The following HMCN1 variants were observed in gnomAD, a reference collection of about 807,000 sequenced individuals.
The protein encoded by HMCN1 is hemicentin-1.
A neutral mutation model predicts 625.9 loss-of-function variants in HMCN1; 321 were observed. The ratio of observed to expected loss-of-function variants is 0.51; its 90% confidence interval spans 0.47 to 0.56. HMCN1 has a LOEUF of 0.56. Ranked by LOEUF, HMCN1 falls within the 20% of genes least tolerant of loss-of-function variation. The pLI is 0.00. For synonymous variants in HMCN1, 2,425 were observed against 2,417.6 expected, an observed-to-expected ratio of 1.00 and a Z score of -0.09; for missense variants, 6,588 against 6,887.3, an observed-to-expected ratio of 0.96 and a Z score of 1.54.
chr1:186,012,558 T>C (rs1412037715), intron 30 of HMCN1, among the ~76,000 whole-genome samples: 1 of 152,188 alleles, frequency 6.6e-6, no homozygotes. Context: ...TGTTCTCAAC[T>C]CTTCAAGCAA....
At chr1:185,990,954 A>G (rs1205818541) in intron 22 of HMCN1, among the ~76,000 whole-genome samples, 1 of 152,220 alleles carries the variant, frequency 6.6e-6, no homozygotes, top group Admixed American at 6.5e-5. Context: ...TTTGTTGCCA[A>G]CCAGCTATAA....
chr1:186,172,980 A>T (rs569779225), intron 102 of HMCN1, among the ~76,000 whole-genome samples: 1 of 152,266 alleles, frequency 6.6e-6, no homozygotes, highest in South Asian at 2.1e-4. Flanking sequence ...ATGTTACTAG[A>T]TGGAGATGAC....
chr1:186,151,377 A>G (rs1277871018), intron 94 of HMCN1, 28 bp downstream of exon 94: 3 of 1,594,288 alleles, frequency 1.9e-6, no homozygotes, highest in Non-Finnish European at 1.7e-6. Flanking sequence ...GCCTCTTTTT[A>G]AAAACTTATA....
intron 1 of HMCN1, among the ~76,000 whole-genome samples, chr1:185,760,090 T>C (rs974334677): frequency 2.0e-5 from 3 of 152,196 alleles, no homozygotes; most frequent in Non-Finnish European, 4.4e-5. Context: ...TTTCTTCACT[T>C]ACTAGTGGGG....
At chr1:186,175,206 T>C (rs1272719126) in intron 103 of HMCN1, among the ~76,000 whole-genome samples, 1 of 152,210 alleles carries the variant, frequency 6.6e-6, no homozygotes, top group East Asian at 1.9e-4. Flanking sequence ...AAATAGAAAA[T>C]ATCTGTAAGA....
At chr1:185,922,765 C>T (rs2102475882) in intron 7 of HMCN1, among the ~76,000 whole-genome samples, 1 of 152,164 alleles carries the variant, frequency 6.6e-6, no homozygotes, top group Non-Finnish European at 1.5e-5. Context: ...AAGGTAGGGC[C>T]CAGGAATATG....
chr1:186,124,893 A>G (rs1321569202), intron 81 of HMCN1, among the ~76,000 whole-genome samples: 1 of 152,068 alleles, frequency 6.6e-6, no homozygotes, highest in East Asian at 1.9e-4. Flanking sequence ...CTTTAGAAGT[A>G]ACTATCTTAG....
chr1:186,076,355 C>G, intron 53 of HMCN1, 73 bp from the exon 54 acceptor site: 1 of 1,369,346 alleles, frequency 7.3e-7, no homozygotes, highest in Non-Finnish European at 1.0e-6. Flanking sequence ...ACAAATCACT[C>G]TGGTGAAAAC....
intron 95 of HMCN1, 26 bp from the exon 96 acceptor site, chr1:186,152,724 C>CA: frequency 6.2e-7 from 1 of 1,613,060 alleles, no homozygotes; most frequent in South Asian, 1.1e-5. Flanking sequence ...TTTTTGCTGT[C>CA]AAAATGAATG....
intron 1 of HMCN1, among the ~76,000 whole-genome samples, chr1:185,839,741 T>A (rs994411799): frequency 1.3e-5 from 2 of 152,204 alleles, no homozygotes; most frequent in African/African-American, 4.8e-5. Context: ...TGAATTTATG[T>A]CAACAATTTT....
intron 48 of HMCN1, among the ~76,000 whole-genome samples, chr1:186,063,464 AGGAAGGAAGGAAG>A (rs1558188617): frequency 8.1e-5 from 7 of 86,402 alleles, no homozygotes; most frequent in African/African-American, 3.9e-4. Context: ...GAAGGAAGGA[AGGAAGGAAGGAAG>A]GAAGGAAGGA....
intron 55 of HMCN1, among the ~76,000 whole-genome samples, chr1:186,078,650 A>G (rs1198251228): frequency 6.6e-6 from 1 of 152,210 alleles, no homozygotes; most frequent in African/African-American, 2.4e-5. Flanking sequence ...CTAGTTCCAC[A>G]TTCAAATGAA....
intron 4 of HMCN1, among the ~76,000 whole-genome samples, chr1:185,904,455 T>A (rs1371053330): frequency 6.6e-6 from 1 of 151,876 alleles, no homozygotes; most frequent in South Asian, 2.1e-4. Context: ...GGTGCCAAAA[T>A]AGTGATAAAA....
chr1:185,839,692 C>G (rs1011366492), intron 1 of HMCN1, among the ~76,000 whole-genome samples: 1 of 152,116 alleles, frequency 6.6e-6, no homozygotes, highest in Non-Finnish European at 1.5e-5. Context: ...TTAAGGAGTT[C>G]TTCTTTGCTT....
At chr1:185,740,971 G>T (rs1247893525) in intron 1 of HMCN1, among the ~76,000 whole-genome samples, 1 of 152,126 alleles carries the variant, frequency 6.6e-6, no homozygotes, top group East Asian at 1.9e-4. Flanking sequence ...TCAAGCCTGG[G>T]CAATAGAGGA....
At chr1:185,764,682 T>G (rs982445264) in intron 1 of HMCN1, among the ~76,000 whole-genome samples, 48 of 152,162 alleles carry the variant, frequency 3.2e-4, no homozygotes, top group African/African-American at 1.1e-3. Context: ...TAATGAGGTG[T>G]GGCTATACTT....
At chr1:185,898,851 A>G (rs1167628537) in intron 4 of HMCN1, among the ~76,000 whole-genome samples, 1 of 151,794 alleles carries the variant, frequency 6.6e-6, no homozygotes, top group Admixed American at 6.6e-5. Context: ...TGAAGAAGAT[A>G]TTGAAACTCA....
intron 4 of HMCN1, among the ~76,000 whole-genome samples, chr1:185,869,848 C>T (rs1663498342): frequency 1.3e-5 from 2 of 152,104 alleles, no homozygotes; most frequent in African/African-American, 4.8e-5. Context: ...TTCAAGGAAG[C>T]CACACATGCA....
At chr1:186,022,234 G>A (rs1654769253) in intron 35 of HMCN1, among the ~76,000 whole-genome samples, 1 of 152,074 alleles carries the variant, frequency 6.6e-6, no homozygotes, top group African/African-American at 2.4e-5. Context: ...CCATGAGTTT[G>A]GATAAAAACT....
Sources: gnomAD v4.1 joint callset for allele counts (sites outside exome capture counted in the v4.1 genomes callset) on GRCh38, gnomAD v4.1.1 for gene constraint, MANE v1.5 for transcripts, NCBI Gene and HGNC (gene_info 2026-07-23, HGNC 2026-07-21) for gene names.